The following MECOM variants were observed in gnomAD, a reference collection of about 807,000 sequenced individuals.
MECOM encodes the protein MDS1 and EVI1 complex locus.
Under a neutral mutation model 116.3 loss-of-function variants are expected in MECOM, and 13 were observed. The observed-to-expected ratio is 0.11, with a 90% CI of 0.07 to 0.18. MECOM has a LOEUF of 0.18. Ranked by LOEUF, MECOM falls within the 10% of genes least tolerant of loss-of-function variation. The pLI, the probability that MECOM is intolerant of heterozygous loss-of-function variation, is 1.00. For synonymous variants in MECOM, 528 were observed against 535.2 expected, an observed-to-expected ratio of 0.99 and a Z score of 0.19; for missense variants, 1,299 against 1,509.0, an observed-to-expected ratio of 0.86 and a Z score of 2.31.
intron 2 of MECOM, among the ~76,000 whole-genome samples, chr3:169,355,783 C>T (rs1405579646): frequency 1.3e-5 from 2 of 151,584 alleles, no homozygotes; most frequent in Non-Finnish European, 2.9e-5. Flanking sequence ...GCAAAGCTAA[C>T]TTTTAGATAT....
At chr3:169,255,379 C>T (rs1375432995) in intron 2 of MECOM, among the ~76,000 whole-genome samples, 1 of 152,022 alleles carries the variant, frequency 6.6e-6, no homozygotes, top group African/African-American at 2.4e-5. Flanking sequence ...TCATTTTTTT[C>T]TCTGTGCTTG....
intron 4 of MECOM, among the ~76,000 whole-genome samples, chr3:169,128,343 C>T (rs1476152654): frequency 6.6e-6 from 1 of 152,142 alleles, no homozygotes; most frequent in East Asian, 1.9e-4. Context: ...ATAAATACGA[C>T]TTACTGAGCA....
chr3:169,507,786 C>A (rs1020394679), intron 1 of MECOM, among the ~76,000 whole-genome samples: 1 of 148,156 alleles, frequency 6.7e-6, no homozygotes, highest in Admixed American at 6.8e-5. Context: ...CTCAGCCTCC[C>A]GAGTAGCTGG....
At chr3:169,232,663 G>A (rs1232214893) in intron 2 of MECOM, among the ~76,000 whole-genome samples, 1 of 145,900 alleles carries the variant, frequency 6.9e-6, no homozygotes, top group South Asian at 2.2e-4. Flanking sequence ...ATATATATAT[G>A]TATACACATA....
At chr3:169,629,138 G>A (rs1028755808) in intron 1 of MECOM, among the ~76,000 whole-genome samples, 38 of 90,328 alleles carry the variant, frequency 4.2e-4, no homozygotes, top group African/African-American at 1.5e-3. Flanking sequence ...TTTTTTTTTT[G>A]AATCTCTAAA....
intron 1 of MECOM, among the ~76,000 whole-genome samples, chr3:169,510,204 T>C (rs993856753): frequency 3.9e-5 from 6 of 152,156 alleles, no homozygotes; most frequent in Non-Finnish European, 7.3e-5. Flanking sequence ...CTCATCACTG[T>C]AAACTCCTGC....
intron 1 of MECOM, among the ~76,000 whole-genome samples, chr3:169,500,232 A>G (rs900778309): frequency 6.6e-6 from 1 of 152,076 alleles, no homozygotes; most frequent in African/African-American, 2.4e-5. Context: ...ATGAAGCCCC[A>G]CACAATAAAA....
chr3:169,093,110 G>A lies in MECOM; in HGVS notation c.3020-8C>T, dbSNP rs557866687. ...GCGACGATGTTGCTGTACCTGTGTG[G>A]AGCAGAAAGCCTTTTATGACAAAGA... is the stretch of plus-strand genomic sequence containing the variant. On this transcript the variant is annotated splice_region_variant and splice_polypyrimidine_tract_variant and intron_variant, in intron 13 of 16. Transcript: ENST00000651503. 4.4e-6 allele frequency: 7 copies of A among 1,583,580 alleles called. No homozygotes were observed. The highest frequency in any genetic ancestry group is 6.0e-6 in the Non-Finnish European group (7 of 1,168,560).
At chr3:169,253,645 T>G (rs972158721) in intron 2 of MECOM, among the ~76,000 whole-genome samples, 15 of 152,148 alleles carry the variant, frequency 9.9e-5, no homozygotes, top group African/African-American at 3.6e-4. Flanking sequence ...CTATATATAC[T>G]TCATATGATT....
In MECOM at chr3:169,433,683, A is replaced by AAG. The variant is rs1553851608; in HGVS notation, c.38-52161_38-52160dup. On this transcript the variant is annotated intron_variant, in intron 1 of 16. Transcript: ENST00000651503. The stretch of plus-strand genomic sequence containing the variant: ...AAAGAAAGAAAGAAAGAAAGAAAGA[A>AAG]AGAAAGAGAAAGAAAGAAAAGAAAG... Among the ~76,000 whole-genome samples, 10 of 150,334 alleles carry AAG rather than the reference A, an allele frequency of 6.7e-5. No individual in the cohort carries two copies. The East Asian group carries it at 1.8e-3, about 27-fold the overall frequency.
chr3:169,298,436 TATATA>T (rs1296440905), intron 2 of MECOM, among the ~76,000 whole-genome samples: 20 of 151,842 alleles, frequency 1.3e-4, no homozygotes, highest in Non-Finnish European at 1.8e-4. Flanking sequence ...TAACATTTCA[TATATA>T]ATATAATATA....
At chr3:169,414,768 G>T (rs1738240600) in intron 1 of MECOM, among the ~76,000 whole-genome samples, 2 of 152,000 alleles carry the variant, frequency 1.3e-5, no homozygotes, top group Non-Finnish European at 2.9e-5. Flanking sequence ...TCAATCAAGT[G>T]GAAGAAAGGG....
chr3:169,532,165 G>T (rs925254097), intron 1 of MECOM, among the ~76,000 whole-genome samples: 1 of 152,188 alleles, frequency 6.6e-6, no homozygotes, highest in African/African-American at 2.4e-5. Context: ...ATGAGAGCTC[G>T]TTAAAACAGT....
intron 2 of MECOM, among the ~76,000 whole-genome samples, chr3:169,225,048 G>A (rs192535889): frequency 2.5e-4 from 38 of 152,138 alleles, no homozygotes; most frequent in African/African-American, 8.7e-4. Flanking sequence ...TTAAAGAAAC[G>A]TGATTTTCAG....
At chr3:169,346,182 C>T (rs1011233261) in intron 2 of MECOM, among the ~76,000 whole-genome samples, 3 of 152,076 alleles carry the variant, frequency 2.0e-5, no homozygotes, top group African/African-American at 7.2e-5. Context: ...GCATACATGT[C>T]AGCACGAAGC....
intron 2 of MECOM, among the ~76,000 whole-genome samples, chr3:169,311,251 GAAT>G (rs1225287689): frequency 1.3e-5 from 2 of 152,094 alleles, no homozygotes; most frequent in African/African-American, 4.8e-5. Flanking sequence ...TCAGGAAAAT[GAAT>G]AATAAGGCTT....
chr3:169,195,442 A>G (rs1279436858), intron 2 of MECOM, among the ~76,000 whole-genome samples: 2 of 152,096 alleles, frequency 1.3e-5, no homozygotes, highest in African/African-American at 4.8e-5. Flanking sequence ...AACTGACTCT[A>G]TAGTAGCTTA....
intron 2 of MECOM, among the ~76,000 whole-genome samples, chr3:169,208,762 C>T (rs1049200065): frequency 6.6e-5 from 10 of 152,102 alleles, no homozygotes; most frequent in African/African-American, 2.2e-4. Flanking sequence ...AATGGCCATA[C>T]TGCCCAAAGT....
Position 169,472,990 on chromosome 3 carries a change from T to C in MECOM, c.38-91466A>G, listed in dbSNP as rs1346896849. ...TATCAATATGTAGACACCACCCAGA[T>C]ACCATGCCAAATGTCAAAGATTTTT... On this transcript the variant is annotated intron_variant, in intron 1 of 16. Coordinates refer to ENST00000651503, the MANE Select transcript of MECOM (RefSeq NM_004991.4). 6.1e-6 allele frequency: 6 copies of C among 982,418 alleles called. No homozygotes were observed. In the East Asian group the frequency reaches 5.7e-4, roughly 93 times the overall value. The allele number at this position is 982,418 out of a possible 1,614,324, so 60.9% of individuals were successfully genotyped here.
Sources: gnomAD v4.1 joint callset for allele counts (sites outside exome capture counted in the v4.1 genomes callset) on GRCh38, gnomAD v4.1.1 for gene constraint, MANE v1.5 for transcripts, NCBI Gene and HGNC (gene_info 2026-07-23, HGNC 2026-07-21) for gene names.